The following TNPO3 variants were observed in gnomAD, a reference collection of about 807,000 sequenced individuals.
TNPO3 encodes transportin-3.
Under a neutral mutation model 122.8 loss-of-function variants are expected in TNPO3, and 65 were observed. The observed-to-expected ratio is 0.53, with a 90% confidence interval of 0.43 to 0.65. TNPO3 has a LOEUF of 0.65. Ranked by LOEUF, TNPO3 falls within the 30% of genes least tolerant of loss-of-function variation. TNPO3 has a pLI of 0.00. For synonymous variants in TNPO3, 372 were observed against 411.2 expected (o/e 0.90, Z 1.15); for missense variants, 850 against 1,136.7 (o/e 0.75, Z 3.63).
At chr7:129,000,913 G>T (rs995333727) in intron 6 of TNPO3, 146 bp downstream of exon 6, 1 of 962,162 alleles carries the variant, frequency 1.0e-6, no homozygotes, top group Non-Finnish European at 1.5e-6. Flanking sequence ...GTTCAGAAGA[G>T]CATAGTAGAG....
chr7:128,977,584 CT>C (rs1349211910), intron 16 of TNPO3, among the ~76,000 whole-genome samples: 2 of 124,152 alleles, frequency 1.6e-5, no homozygotes, highest in African/African-American at 6.2e-5. Flanking sequence ...GGAACTCATT[CT>C]TTTTTTCTTT....
intron 11 of TNPO3, 125 bp downstream of exon 11, chr7:128,989,836 C>T (rs1285136846): frequency 1.9e-6 from 2 of 1,049,344 alleles, no homozygotes; most frequent in Admixed American, 2.6e-5. Context: ...ATTGTTTACT[C>T]TCAGTTTCTA....
chr7:129,005,491 G>A (rs1266708853), intron 4 of TNPO3, among the ~76,000 whole-genome samples: 1 of 152,146 alleles, frequency 6.6e-6, no homozygotes, highest in Non-Finnish European at 1.5e-5. Flanking sequence ...AGTGTTAGAG[G>A]AGGGTTCTGG....
intron 1 of TNPO3, among the ~76,000 whole-genome samples, chr7:129,027,621 A>G (rs1192107276): frequency 6.8e-6 from 1 of 147,782 alleles, no homozygotes; most frequent in Admixed American, 6.9e-5. Context: ...AATACTCCCT[A>G]CAAAGAACCT....
intron 1 of TNPO3, among the ~76,000 whole-genome samples, chr7:129,027,594 A>G (rs1805394132): frequency 1.1e-5 from 1 of 93,542 alleles, no homozygotes. Flanking sequence ...AAAAAAAACA[A>G]CACAAAAAAT....
intron 1 of TNPO3, among the ~76,000 whole-genome samples, chr7:129,034,640 A>C (rs1806360302): frequency 6.6e-6 from 1 of 152,280 alleles, no homozygotes; most frequent in African/African-American, 2.4e-5. Flanking sequence ...CTGTAATCCC[A>C]GCACTTTGGG....
chr7:129,056,090 G>T, upstream of TNPO3: 1 of 1,127,156 alleles, frequency 8.9e-7, no homozygotes, highest in Non-Finnish European at 1.3e-6. Flanking sequence ...GTCTGGGGGA[G>T]CTCATCGGCA....
intron 6 of TNPO3, 23 bp downstream of exon 6, chr7:129,001,036 T>C (rs1446700661): frequency 6.2e-7 from 1 of 1,610,680 alleles, no homozygotes; most frequent in African/African-American, 1.3e-5. Context: ...AACCCAGGGC[T>C]CCAGACTTAA....
chr7:129,027,113 G>T (rs1805281580), intron 1 of TNPO3, among the ~76,000 whole-genome samples: 1 of 152,086 alleles, frequency 6.6e-6, no homozygotes, highest in African/African-American at 2.4e-5. Flanking sequence ...GTTTAGAAAA[G>T]GTAGCAAAGC....
intron 1 of TNPO3, among the ~76,000 whole-genome samples, chr7:129,043,126 T>C (rs1807590333): frequency 6.6e-6 from 1 of 151,714 alleles, no homozygotes; most frequent in African/African-American, 2.4e-5. Flanking sequence ...AAGGGTCAGG[T>C]GCAATGACAC....
At chr7:129,018,297 C>T in intron 1 of TNPO3, 140 bp from the exon 2 acceptor site, 2 of 782,294 alleles carry the variant, frequency 2.6e-6, no homozygotes, top group Non-Finnish European at 4.0e-6. Context: ...CCCAGTAATT[C>T]AGCCAACAGT....
At chr7:129,005,274 T>C (rs769684099) in intron 4 of TNPO3, 115 bp from the exon 5 acceptor site, 50 of 1,023,774 alleles carry the variant, frequency 4.9e-5, no homozygotes, top group Non-Finnish European at 6.8e-5. Flanking sequence ...AGCCAACGGT[T>C]AAAAGTGCTT....
intron 7 of TNPO3, among the ~76,000 whole-genome samples, chr7:128,998,369 A>T (rs1417069365): frequency 6.6e-6 from 1 of 151,964 alleles, no homozygotes; most frequent in African/African-American, 2.4e-5. Flanking sequence ...CAAAAGATAT[A>T]TATATTTTCT....
At chr7:129,050,245 A>G (rs975575891) in intron 1 of TNPO3, among the ~76,000 whole-genome samples, 38 of 151,724 alleles carry the variant, frequency 2.5e-4, no homozygotes, top group African/African-American at 7.5e-4. Context: ...TTAGCTGGGC[A>G]TGGTGGCAAG....
At chr7:128,983,622 T>C (rs1799859011) in intron 13 of TNPO3, among the ~76,000 whole-genome samples, 2 of 152,208 alleles carry the variant, frequency 1.3e-5, no homozygotes, top group African/African-American at 4.8e-5. Context: ...GACCCTGACA[T>C]AGCAACCTTA....
chr7:129,054,849 C>G lies in TNPO3; in HGVS notation c.-79G>C. The G allele has an allele frequency of 6.3e-7, 1 of 1,597,614 alleles. No homozygotes were observed. Among genetic ancestry groups the G allele is most frequent in the African/African-American group, 1.3e-5 (1 of 74,766 alleles). ...CTCGGTTGCTCCGCCTTCGCGCTTC[C>G]TCACTGTCTGGGCCACGGCCGCTCC... On this transcript the variant is annotated 5_prime_UTR_variant, in exon 1 of 23. Coordinates refer to ENST00000265388, the MANE Select transcript of TNPO3 (RefSeq NM_012470.4).
chr7:129,037,890 T>C (rs545628243), intron 1 of TNPO3, among the ~76,000 whole-genome samples: 12 of 151,944 alleles, frequency 7.9e-5, no homozygotes, highest in African/African-American at 2.4e-4. Context: ...AAAAAAACTA[T>C]TTTGCACAAT....
chr7:128,968,529 C>G (rs1036822206), intron 20 of TNPO3, among the ~76,000 whole-genome samples: 1 of 152,060 alleles, frequency 6.6e-6, no homozygotes, highest in Non-Finnish European at 1.5e-5. Flanking sequence ...TAGTTTTGGG[C>G]TGTAAAATTA....
At chr7:128,989,686 A>C (rs1800545578) in intron 11 of TNPO3, among the ~76,000 whole-genome samples, 1 of 152,234 alleles carries the variant, frequency 6.6e-6, no homozygotes, top group African/African-American at 2.4e-5. Flanking sequence ...AGACTAACAG[A>C]GATAGAAATG....
Sources: allele counts gnomAD v4.1 joint callset (sites outside exome capture counted in the v4.1 genomes callset), GRCh38; gene constraint gnomAD v4.1.1; transcripts MANE v1.5; gene names NCBI Gene and HGNC (gene_info 2026-07-23, HGNC 2026-07-21).